The following HSD17B3 variants were observed in gnomAD, a reference collection of about 807,000 sequenced individuals.
HSD17B3 encodes 17-beta-hydroxysteroid dehydrogenase type 3.
In HSD17B3, 29 loss-of-function variants were observed where a neutral mutation model predicts 41.1. That is an observed-to-expected ratio of 0.71 (90% CI 0.53 to 0.96). HSD17B3 has a LOEUF of 0.96. Among genes scored for constraint, HSD17B3 ranks in the 40% least tolerant of loss-of-function variants. The pLI, the probability that HSD17B3 is intolerant of heterozygous loss-of-function variation, is 0.00. For missense variants in HSD17B3, 323 were observed against 374.6 expected, an observed-to-expected ratio of 0.86 and a Z score of 1.14; for synonymous variants, 126 against 145.6, an observed-to-expected ratio of 0.87 and a Z score of 0.97.
At chr9:96,236,353 C>G (rs1254819945) in intron 10 of HSD17B3, among the ~76,000 whole-genome samples, 1 of 151,340 alleles carries the variant, frequency 6.6e-6, no homozygotes, top group Non-Finnish European at 1.5e-5. Context: ...CCCGTCTCTA[C>G]TAAAAAGACA....
intron 9 of HSD17B3, among the ~76,000 whole-genome samples, chr9:96,242,724 C>G (rs558203675): frequency 7.2e-5 from 11 of 152,274 alleles, no homozygotes; most frequent in African/African-American, 2.6e-4. Flanking sequence ...CACATCTCCT[C>G]CTGACCCTCC....
chr9:96,269,048 C>A (rs1026900436), intron 2 of HSD17B3, among the ~76,000 whole-genome samples: 1 of 151,348 alleles, frequency 6.6e-6, no homozygotes, highest in South Asian at 2.1e-4. Context: ...GCAGTTTCAT[C>A]GTGCCAACAT....
intron 2 of HSD17B3, among the ~76,000 whole-genome samples, chr9:96,276,107 TAAAAAA>T (rs57386167): frequency 7.3e-5 from 3 of 41,152 alleles, no homozygotes; most frequent in African/African-American, 3.0e-4. Flanking sequence ...TCCTGTCTCA[TAAAAAA>T]AAAAAAAAAA....
Position 96,245,337 on chromosome 9 carries a change from T to C in HSD17B3, c.606+8A>G. The C allele has an allele frequency of 6.3e-7, 1 of 1,597,852 alleles. No individual in the cohort carries two copies. Among genetic ancestry groups the C allele is most frequent in the Non-Finnish European group, 8.6e-7 (1 of 1,165,102 alleles). ...AGGAAGAGACTTGGAAGTCATGACA[T>C]CACTCACCTTGGAAGCTGAGTACAT... On this transcript the variant is annotated splice_region_variant and intron_variant, in intron 8 of 10. Coordinates refer to ENST00000375263, the MANE Select transcript of HSD17B3 (RefSeq NM_000197.2).
At chr9:96,253,994 C>G (rs1825530900) in intron 3 of HSD17B3, among the ~76,000 whole-genome samples, 1 of 152,130 alleles carries the variant, frequency 6.6e-6, no homozygotes, top group Admixed American at 6.5e-5. Flanking sequence ...AGGCTCACCC[C>G]TGACAGCCCA....
intron 10 of HSD17B3, among the ~76,000 whole-genome samples, chr9:96,238,557 A>C (rs1836313469): frequency 6.6e-6 from 1 of 152,140 alleles, no homozygotes; most frequent in South Asian, 2.1e-4. Flanking sequence ...AGCTACTCAG[A>C]AGGCTGAGGC....
At chr9:96,245,157 C>T (rs1467842875) in intron 8 of HSD17B3, among the ~76,000 whole-genome samples, 188 bp downstream of exon 8, 2 of 152,196 alleles carry the variant, frequency 1.3e-5, no homozygotes, top group African/African-American at 2.4e-5. Flanking sequence ...CGCAGGGCTT[C>T]GTGTGCCCAG....
At position 96,274,456 on chromosome 9, in the gene HSD17B3, A is replaced by C. The variant is rs577442487; in HGVS notation, c.202-19513T>G. Among the ~76,000 whole-genome samples, 14 of 152,302 alleles carry C rather than the reference A, an allele frequency of 9.2e-5. No individual in the cohort carries two copies. In the South Asian group the frequency reaches 2.9e-3, roughly 32 times the overall value. ...AGCCTGGGCGGCTGAGTGAGACTCC[A>C]TCTCAAAATAAATAAATAAAAGAAC... On this transcript the variant is annotated intron_variant, in intron 2 of 10. Transcript: ENST00000375263.
intron 2 of HSD17B3, among the ~76,000 whole-genome samples, chr9:96,270,462 G>GA (rs1467860994): frequency 2.6e-5 from 4 of 152,226 alleles, no homozygotes; most frequent in Admixed American, 6.5e-5. Flanking sequence ...CCAGATGAAA[G>GA]AAAATATGCT....
intron 2 of HSD17B3, among the ~76,000 whole-genome samples, chr9:96,263,674 A>G (rs1263541185): frequency 1.3e-5 from 2 of 152,100 alleles, no homozygotes; most frequent in African/African-American, 4.8e-5. Context: ...GCTTGCAGTG[A>G]GCAGAGATTG....
chr9:96,286,098 C>T (rs1826907607), intron 2 of HSD17B3, among the ~76,000 whole-genome samples: 3 of 152,106 alleles, frequency 2.0e-5, no homozygotes, highest in Admixed American at 2.0e-4. Context: ...AATCCCAGCA[C>T]TTTGGGAGGC....
chr9:96,274,410 G>A lies in HSD17B3; in HGVS notation c.202-19467C>T, dbSNP rs552412382. Among the ~76,000 whole-genome samples the A allele has an allele frequency of 9.2e-5, 14 of 152,272 alleles. No individual in the cohort carries two copies. In the South Asian group the frequency reaches 2.3e-3, roughly 25 times the overall value. On this transcript the variant is annotated intron_variant, in intron 2 of 10. Coordinates refer to ENST00000375263, the MANE Select transcript of HSD17B3 (RefSeq NM_000197.2). ...CGGGAGGCAGAGGCTGCAGTGAGCC[G>A]AGATTGCACCACTGCACTACAGCCT...
At chr9:96,260,570 G>C (rs1825819372) in intron 2 of HSD17B3, among the ~76,000 whole-genome samples, 1 of 152,032 alleles carries the variant, frequency 6.6e-6, no homozygotes, top group Non-Finnish European at 1.5e-5. Context: ...GGCCATCCTG[G>C]TCAACATGGT....
At position 96,252,895 on chromosome 9, in the gene HSD17B3, C is replaced by T; in HGVS notation, c.293G>A (p.Arg98Lys). 1 of 1,609,514 alleles carries T rather than the reference C, an allele frequency of 6.2e-7. No individual in the cohort carries two copies. The highest frequency in any genetic ancestry group is 8.5e-7 in the Non-Finnish European group (1 of 1,175,964). ...IATEIERTTG[R>K]SVKIIQADFT... is the part of the protein sequence containing the mutation. ...ATCTGCTTGTATAATCTTCACACTC[C>T]TCCCTGTAGTCCGCTCTACACGAGA... The change falls in exon 4 of 11, where the codon AGG becomes AAG. Residue 98 changes from arginine to lysine, a missense_variant. Arg to Lys is a conservative substitution (Grantham distance 26, BLOSUM62 2). Transcript: ENST00000375263.
chr9:96,236,743 T>C (rs960475703), intron 10 of HSD17B3, among the ~76,000 whole-genome samples: 2 of 152,070 alleles, frequency 1.3e-5, no homozygotes, highest in Non-Finnish European at 2.9e-5. Context: ...TTTCAGGCTG[T>C]AGGTACGGGC....
At chr9:96,237,008 G>A (rs1474307590) in intron 10 of HSD17B3, among the ~76,000 whole-genome samples, 1 of 152,100 alleles carries the variant, frequency 6.6e-6, no homozygotes, top group Non-Finnish European at 1.5e-5. Flanking sequence ...TGAAGACAAG[G>A]GACTAATGAC....
In HSD17B3 at chr9:96,249,736, A is replaced by T; in HGVS notation, c.489+15T>A. The T allele has an allele frequency of 6.2e-7, 1 of 1,613,356 alleles. No individual in the cohort carries two copies. The highest frequency in any genetic ancestry group is 1.1e-5 in the South Asian group (1 of 91,078). ...CTACATGTTAATGCATTTCGCACAT[A>T]TATTGATCACATACCTTGACTACGG... On this transcript the variant is annotated intron_variant, in intron 6 of 10. Coordinates refer to ENST00000375263, the MANE Select transcript of HSD17B3 (RefSeq NM_000197.2).
chr9:96,275,659 TAATTA>T (rs760379957), intron 2 of HSD17B3, among the ~76,000 whole-genome samples: 16 of 152,134 alleles, frequency 1.1e-4, no homozygotes, highest in South Asian at 4.1e-4. Context: ...TTTTTGTATG[TAATTA>T]AATTGTTATC....
At chr9:96,239,745 T>C (rs1836360230) in intron 10 of HSD17B3, 1 of 152,214 alleles carries the variant, frequency 6.6e-6, no homozygotes, top group Non-Finnish European at 1.5e-5. Flanking sequence ...CCCATCTAAC[T>C]TTCTTTGGTG....
Sources: gnomAD v4.1 joint callset for allele counts (sites outside exome capture counted in the v4.1 genomes callset) on GRCh38, gnomAD v4.1.1 for gene constraint, MANE v1.5 for transcripts, NCBI Gene and HGNC (gene_info 2026-07-23, HGNC 2026-07-21) for gene names.